Variants in PPFIA2 observed in about 807,000 individuals in gnomAD.
PPFIA2 encodes the protein liprin-alpha-2.
PPFIA2 carries 46 observed loss-of-function variants against 175.5 expected under a neutral mutation model. That is an observed-to-expected ratio of 0.26 (90% CI 0.21 to 0.34). The LOEUF is 0.34. PPFIA2 is among the 10% of genes least tolerant of loss of function. The pLI is 1.00. For synonymous variants in PPFIA2, 568 were observed against 511.4 expected (o/e 1.11, Z -1.49); for missense variants, 1,179 against 1,506.1 (o/e 0.78, Z 3.60).
At chr12:81,512,332 A>G (rs1168486380) in intron 4 of PPFIA2, 4 of 1,288,568 alleles carry the variant, frequency 3.1e-6, no homozygotes, top group Non-Finnish European at 3.0e-6. Flanking sequence ...TCCCACTGCT[A>G]TCTCTTATGT....
intron 4 of PPFIA2, among the ~76,000 whole-genome samples, chr12:81,608,693 G>T (rs1044932704): frequency 2.0e-5 from 3 of 150,382 alleles, no homozygotes; most frequent in Non-Finnish European, 3.0e-5. Context: ...TTTTTTCTTT[G>T]CTAATATAGC....
At chr12:81,528,960 G>A (rs2064105038) in intron 4 of PPFIA2, among the ~76,000 whole-genome samples, 1 of 151,984 alleles carries the variant, frequency 6.6e-6, no homozygotes, top group Non-Finnish European at 1.5e-5. Context: ...TTTAGTGTCA[G>A]TAAAATGTAT....
chr12:81,348,551 T>G (rs1224132651), intron 17 of PPFIA2, among the ~76,000 whole-genome samples: 3 of 151,634 alleles, frequency 2.0e-5, no homozygotes, highest in African/African-American at 7.3e-5. Context: ...GCCTGGCCAA[T>G]ATGGTGAAAC....
chr12:81,615,678 G>T (rs2061368979), intron 4 of PPFIA2, among the ~76,000 whole-genome samples: 1 of 152,108 alleles, frequency 6.6e-6, no homozygotes, highest in Non-Finnish European at 1.5e-5. Context: ...GGCTTTATTG[G>T]AGGGTTAAGA....
chr12:81,509,561 A>T (rs2061547843), intron 4 of PPFIA2, among the ~76,000 whole-genome samples: 1 of 150,844 alleles, frequency 6.6e-6, no homozygotes. Context: ...TCAGGAAAAT[A>T]CTTCGAGGTC....
chr12:81,668,122 C>T (rs1203504173), intron 4 of PPFIA2, among the ~76,000 whole-genome samples: 1 of 152,032 alleles, frequency 6.6e-6, no homozygotes, highest in African/African-American at 2.4e-5. Flanking sequence ...TTCTGACTAA[C>T]CATTTGCCTC....
At chr12:81,301,283 G>A (rs11114815) in intron 22 of PPFIA2, among the ~76,000 whole-genome samples, 1 of 152,168 alleles carries the variant, frequency 6.6e-6, no homozygotes, top group East Asian at 1.9e-4. Context: ...ACATCCAATA[G>A]GGAAAGCGAC....
chr12:81,368,662 G>A (rs918059980), intron 13 of PPFIA2, 63 bp downstream of exon 13: 47 of 1,479,338 alleles, frequency 3.2e-5, no homozygotes, highest in African/African-American at 4.2e-5. Flanking sequence ...GATTGCAGCT[G>A]TATATAAAAC....
intron 4 of PPFIA2, among the ~76,000 whole-genome samples, chr12:81,635,920 T>TCTCACACA (rs374588850): frequency 4.0e-5 from 6 of 150,734 alleles, no homozygotes; most frequent in African/African-American, 9.8e-5. Flanking sequence ...TCTCTCTCTC[T>TCTCACACA]CACACACACA....
chr12:81,662,844 C>T (rs931684822), intron 4 of PPFIA2, among the ~76,000 whole-genome samples: 3 of 152,116 alleles, frequency 2.0e-5, no homozygotes, highest in African/African-American at 4.8e-5. Flanking sequence ...TATCAAAAAG[C>T]TTATCCACCA....
intron 3 of PPFIA2, among the ~76,000 whole-genome samples, chr12:81,697,108 C>T (rs1378487689): frequency 1.3e-5 from 2 of 149,106 alleles, no homozygotes; most frequent in African/African-American, 4.9e-5. Flanking sequence ...GTAGATCTCC[C>T]TGAATTTCTA....
In PPFIA2 at chr12:81,299,229, C is replaced by A; in HGVS notation, c.2724+72G>T. 2.4e-5 allele frequency: 36 copies of A among 1,478,092 alleles called. No individual in the cohort carries two copies. The South Asian group carries it at 3.4e-4, about 14-fold the overall frequency. 91.6% of individuals were successfully genotyped at this position (1,478,092 alleles called of 1,614,324 possible). On this transcript the variant is annotated intron_variant, in intron 23 of 32. Transcript: ENST00000549396. The stretch of plus-strand genomic sequence containing the variant: ...GGATGCTGTGATTTCAGAAACTTGC[C>A]GTTACCTGTCTCAAAAAAATTATCA...
In PPFIA2 at chr12:81,552,845, C is replaced by T. The variant is rs886240998; in HGVS notation, c.304-94979G>A. 4.6e-5 allele frequency among the ~76,000 whole-genome samples: 7 copies of T among 152,122 alleles called. No homozygotes were observed. The East Asian group carries it at 1.2e-3, about 25-fold the overall frequency. ...TGATGATGTAGGTTACCCAGAGAAA[C>T]TATATTACAGATCTATGCCACCTAC... On this transcript the variant is annotated intron_variant, in intron 4 of 32. Transcript: ENST00000549396.
At chr12:81,684,301 GT>G (rs2074120033) in intron 3 of PPFIA2, among the ~76,000 whole-genome samples, 1 of 152,078 alleles carries the variant, frequency 6.6e-6, no homozygotes, top group Non-Finnish European at 1.5e-5. Context: ...GGTATGGATA[GT>G]TTACAGGGTC....
At chr12:81,642,424 T>A (rs1176581319) in intron 4 of PPFIA2, among the ~76,000 whole-genome samples, 1 of 151,380 alleles carries the variant, frequency 6.6e-6, no homozygotes, top group African/African-American at 2.4e-5. Flanking sequence ...AAGAATTTTC[T>A]TGGAATGTTA....
chr12:81,726,200 T>TC (rs1324711874), intron 3 of PPFIA2, among the ~76,000 whole-genome samples: 1 of 151,238 alleles, frequency 6.6e-6, no homozygotes, highest in Non-Finnish European at 1.5e-5. Context: ...TCCATACTTT[T>TC]CCTCTAAAAC....
intron 4 of PPFIA2, among the ~76,000 whole-genome samples, chr12:81,618,859 C>T (rs1315440160): frequency 6.6e-6 from 1 of 152,052 alleles, no homozygotes; most frequent in African/African-American, 2.4e-5. Flanking sequence ...TTCATTAATT[C>T]AACAATTATT....
chr12:81,523,639 T>C (rs1482055446), intron 4 of PPFIA2, among the ~76,000 whole-genome samples: 1 of 152,154 alleles, frequency 6.6e-6, no homozygotes, highest in South Asian at 2.1e-4. Flanking sequence ...TAAACTACCC[T>C]TCTCATTCCT....
At chr12:81,744,706 A>C (rs180768149) in intron 3 of PPFIA2, among the ~76,000 whole-genome samples, 1 of 152,300 alleles carries the variant, frequency 6.6e-6, no homozygotes, top group African/African-American at 2.4e-5. Context: ...GATTACAGGC[A>C]TGGGCCACTG....
Sources: gnomAD v4.1 joint callset for allele counts (sites outside exome capture counted in the v4.1 genomes callset) on GRCh38, gnomAD v4.1.1 for gene constraint, MANE v1.5 for transcripts, NCBI Gene and HGNC (gene_info 2026-07-23, HGNC 2026-07-21) for gene names.